Variants in POMGNT2 observed in about 807,000 individuals in gnomAD.
The protein encoded by POMGNT2 is protein O-linked mannose N-acetylglucosaminyltransferase 2 (beta 1,4-), also known as protein O-linked-mannose beta-1,4-N-acetylglucosaminyltransferase 2.
In POMGNT2, 32 loss-of-function variants were observed where a neutral mutation model predicts 37.8. The observed-to-expected ratio is 0.85, with a 90% confidence interval of 0.64 to 1.14. The LOEUF (loss-of-function observed/expected upper bound fraction) is 1.14, where lower values mean the gene tolerates loss of function less well. POMGNT2 is among the 50% of genes most tolerant of loss of function. POMGNT2 has a pLI of 0.00. For synonymous variants in POMGNT2, 340 were observed against 336.8 expected (o/e 1.01, Z -0.10); for missense variants, 705 against 780.6 (o/e 0.90, Z 1.15).
chr3:43,099,496 G>T (rs1029427052), intron 1 of POMGNT2, among the ~76,000 whole-genome samples: 13 of 152,168 alleles, frequency 8.5e-5, no homozygotes, highest in African/African-American at 3.1e-4. Context: ...CAAACCATGA[G>T]GCCTCCAAGC....
In POMGNT2 at chr3:43,080,844, G is replaced by C; in HGVS notation, c.588C>G (p.Gly196=). Reference sequence around the variant, plus strand: ...GGTCGAAGTGTGCACCCTCGCCCCAGCCCTCCATGAAGAAGAGCCGTGCCT... The same window carrying C: ...GGTCGAAGTGTGCACCCTCGCCCCACCCCTCCATGAAGAAGAGCCGTGCCT... ...AHEARLFFME[G]WGEGAHFDLY... The change falls in exon 2 of 2, where the codon GGC becomes GGG. Residue 196 remains glycine (G), a synonymous_variant. Coordinates refer to ENST00000344697, the MANE Select transcript of POMGNT2 (RefSeq NM_032806.6). 1 of 1,614,070 alleles carries C rather than the reference G, an allele frequency of 6.2e-7. No individual in the cohort carries two copies. The highest frequency in any genetic ancestry group is 8.5e-7 in the Non-Finnish European group (1 of 1,179,978).
At chr3:43,083,617 T>C (rs937866318) in intron 1 of POMGNT2, among the ~76,000 whole-genome samples, 1 of 152,262 alleles carries the variant, frequency 6.6e-6, no homozygotes, top group Non-Finnish European at 1.5e-5. Flanking sequence ...CACAGTCTAC[T>C]GGTATTGACA....
chr3:43,095,895 A>G (rs1449885282), intron 1 of POMGNT2, among the ~76,000 whole-genome samples: 2 of 152,184 alleles, frequency 1.3e-5, no homozygotes, highest in Non-Finnish European at 2.9e-5. Flanking sequence ...CCTACTTTGC[A>G]GCCCAGTCCC....
chr3:43,100,300 C>T (rs2090008792), intron 1 of POMGNT2, among the ~76,000 whole-genome samples: 2 of 152,134 alleles, frequency 1.3e-5, no homozygotes, highest in African/African-American at 2.4e-5. Flanking sequence ...AGTATAACAA[C>T]TATTTACATA....
chr3:43,091,778 C>A (rs1179924877), intron 1 of POMGNT2, among the ~76,000 whole-genome samples: 1 of 152,210 alleles, frequency 6.6e-6, no homozygotes, highest in East Asian at 1.9e-4. Flanking sequence ...GAGACAAGAC[C>A]TCACTTCTGT....
At chr3:43,097,945 C>T (rs1275682472) in intron 1 of POMGNT2, among the ~76,000 whole-genome samples, 2 of 152,142 alleles carry the variant, frequency 1.3e-5, no homozygotes, top group African/African-American at 2.4e-5. Flanking sequence ...GGCCTGTGCC[C>T]GGGTTCCCAG....
In POMGNT2 at chr3:43,081,220, C is replaced by T; in HGVS notation, c.212G>A (p.Gly71Asp). The T allele has an allele frequency of 6.2e-7, 1 of 1,613,988 alleles. No homozygotes were observed. The highest frequency in any genetic ancestry group is 8.5e-7 in the Non-Finnish European group (1 of 1,180,016). The change falls in exon 2 of 2, where the codon GGC (glycine) becomes GAC (aspartate). Residue 71 changes from glycine to aspartate, a missense_variant. Physicochemically the swap from Gly to Asp is moderately conservative, Grantham distance 94. Coordinates refer to ENST00000344697, the MANE Select transcript of POMGNT2 (RefSeq NM_032806.6). Reference protein sequence around the residue: ...MEGGTHMVCTGRTHTDRICRF... With the variant: ...MEGGTHMVCTDRTHTDRICRF... ...GCAGATGCGGTCTGTGTGCGTGCGGCCCGTGCACACCATGTGTGTGCCGCC... is the reference window on the plus strand; with the variant it reads ...GCAGATGCGGTCTGTGTGCGTGCGGTCCGTGCACACCATGTGTGTGCCGCC...
chr3:43,094,611 G>C (rs375242798), intron 1 of POMGNT2, among the ~76,000 whole-genome samples: 1 of 152,326 alleles, frequency 6.6e-6, no homozygotes, highest in East Asian at 1.9e-4. Flanking sequence ...CTGTCTGCTT[G>C]GTCCTAATGT....
intron 1 of POMGNT2, among the ~76,000 whole-genome samples, chr3:43,102,116 T>TA (rs1312277921): frequency 6.6e-6 from 1 of 151,570 alleles, no homozygotes; most frequent in Admixed American, 6.6e-5. Context: ...CAATGGCTAC[T>TA]GTGTGACTCT....
Position 43,081,553 on chromosome 3 carries a change from G to T in POMGNT2, c.-105-17C>A. 1.1e-6 allele frequency: 1 copy of T among 888,566 alleles called. No homozygotes were observed. The highest frequency in any genetic ancestry group is 1.7e-6 in the Non-Finnish European group (1 of 599,618). 55.0% of individuals were successfully genotyped at this position (888,566 alleles called of 1,614,324 possible). A position where few individuals can be genotyped will look rare whatever the true frequency, so the allele number is the denominator to read the frequency against. On this transcript the variant is annotated splice_polypyrimidine_tract_variant and intron_variant, in intron 1 of 1. Coordinates refer to ENST00000344697, the MANE Select transcript of POMGNT2 (RefSeq NM_032806.6). Reference sequence around the variant, plus strand: ...GGTGAAAGCCTGCAGGAGGAGAGAAGGAAAAGAAAAAGGAATTGGCAGTCT... The same window carrying T: ...GGTGAAAGCCTGCAGGAGGAGAGAATGAAAAGAAAAAGGAATTGGCAGTCT...
At chr3:43,084,522 G>A (rs1049748404) in intron 1 of POMGNT2, among the ~76,000 whole-genome samples, 5 of 152,096 alleles carry the variant, frequency 3.3e-5, no homozygotes, top group African/African-American at 4.8e-5. Flanking sequence ...GCGGGCGCCT[G>A]TAGTCCCAGC....
At chr3:43,095,768 G>A (rs536319267) in intron 1 of POMGNT2, among the ~76,000 whole-genome samples, 2 of 152,322 alleles carry the variant, frequency 1.3e-5, no homozygotes, top group East Asian at 1.9e-4. Context: ...TCAAGATACA[G>A]AAGATCCAGT....
intron 1 of POMGNT2, among the ~76,000 whole-genome samples, chr3:43,083,591 A>G (rs1381892552): frequency 6.6e-6 from 1 of 152,222 alleles, no homozygotes; most frequent in Admixed American, 6.5e-5. Context: ...GCATCATACT[A>G]TAATCTGTAA....
chr3:43,101,756 G>A (rs931659803), intron 1 of POMGNT2, among the ~76,000 whole-genome samples: 16 of 152,172 alleles, frequency 1.1e-4, no homozygotes, highest in Non-Finnish European at 1.9e-4. Context: ...ATAAGTATCA[G>A]TAAAGGCTAA....
Position 43,082,012 on chromosome 3 carries a change from C to T in POMGNT2, c.-105-476G>A, listed in dbSNP as rs368487882. ...GTGGGCCCAGCCAAGAGCAGCAGTG[C>T]GATCAGCCAAACGCAGCCAAGATCA... On this transcript the variant is annotated intron_variant, in intron 1 of 1. Coordinates refer to ENST00000344697, the MANE Select transcript of POMGNT2 (RefSeq NM_032806.6). Among the ~76,000 whole-genome samples, 18 of 152,336 alleles carry T rather than the reference C, an allele frequency of 1.2e-4. No individual in the cohort carries two copies. The East Asian group carries it at 1.9e-3, about 16-fold the overall frequency.
In POMGNT2 at chr3:43,080,821, T is replaced by TTTC. The variant is rs1460822021; in HGVS notation, c.610_611insGAA (p.Asp204delinsGlyAsn). On this transcript the variant is annotated protein_altering_variant, in exon 2 of 2. Transcript: ENST00000344697. ...CTTGGGGCTGAGCAGCTTGTAGAGG[T>TTTC]CGAAGTGTGCACCCTCGCCCCAGCC... 1 of 1,613,652 alleles carries TTTC rather than the reference T, an allele frequency of 6.2e-7. No individual in the cohort carries two copies. Among genetic ancestry groups the TTTC allele is most frequent in the African/African-American group, 1.3e-5 (1 of 74,846 alleles).
intron 1 of POMGNT2, among the ~76,000 whole-genome samples, chr3:43,091,080 A>G (rs1185855126): frequency 6.6e-6 from 1 of 152,234 alleles, no homozygotes; most frequent in African/African-American, 2.4e-5. Flanking sequence ...TCAGTTCACC[A>G]AGAGGGCCTG....
chr3:43,085,947 T>C (rs929234340), intron 1 of POMGNT2, among the ~76,000 whole-genome samples: 2 of 152,196 alleles, frequency 1.3e-5, no homozygotes, highest in Non-Finnish European at 2.9e-5. Flanking sequence ...ATTATGTTGT[T>C]CTGTGAGTTC....
In POMGNT2 at chr3:43,080,304, G is replaced by C. The variant is rs571632689; in HGVS notation, c.1128C>G (p.Pro376=). The change falls in exon 2 of 2, where the codon CCC becomes CCG. Residue 376 remains proline (P), a synonymous_variant. Transcript: ENST00000344697. ...PYAVNPDHYT[P]YKTLAMLPGM... is the part of the protein sequence containing the mutation. ...CAGGCAGCATGGCCAGCGTCTTATA[G>C]GGAGTGTAGTGGTCGGGATTGACAG... 5 of 1,614,222 alleles carry C rather than the reference G, an allele frequency of 3.1e-6. No individual in the cohort carries two copies. In the South Asian group the frequency reaches 5.5e-5, roughly 18 times the overall value.
Sources: allele counts gnomAD v4.1 joint callset (sites outside exome capture counted in the v4.1 genomes callset), GRCh38; gene constraint gnomAD v4.1.1; transcripts MANE v1.5; gene names NCBI Gene and HGNC (gene_info 2026-07-23, HGNC 2026-07-21).